CRYL1: variants seen among roughly 807,000 people sequenced by gnomAD.
CRYL1 encodes the protein lambda-crystallin homolog.
Under a neutral mutation model 36.6 loss-of-function variants are expected in CRYL1, and 29 were observed. The observed-to-expected ratio is 0.79, with a 90% confidence interval of 0.59 to 1.08. CRYL1 has a LOEUF of 1.08. Ranked by LOEUF, CRYL1 falls within the 50% of genes least tolerant of loss-of-function variation. CRYL1 has a pLI of 0.00. For missense variants in CRYL1, 411 were observed against 407.9 expected (o/e 1.01, Z -0.06); for synonymous variants, 152 against 151.5 (o/e 1.00, Z -0.02).
At position 20,498,524 on chromosome 13, in the gene CRYL1, T is replaced by C. The variant is rs557547040; in HGVS notation, c.150-9028A>G. Among the ~76,000 whole-genome samples, 8 of 152,316 alleles carry C rather than the reference T, an allele frequency of 5.3e-5. No homozygotes were observed. The South Asian group carries it at 1.4e-3, about 28-fold the overall frequency. On this transcript the variant is annotated intron_variant, in intron 2 of 7. Coordinates refer to ENST00000298248, the MANE Select transcript of CRYL1 (RefSeq NM_015974.3). ...TGGAGCATTGATCTGCTCTTTAATATAAAATTATAAAAGGTTATAAAGTTT... is the reference window on the plus strand; with the variant it reads ...TGGAGCATTGATCTGCTCTTTAATACAAAATTATAAAAGGTTATAAAGTTT...
intron 3 of CRYL1, among the ~76,000 whole-genome samples, chr13:20,463,776 T>G (rs2032878272): frequency 6.6e-6 from 1 of 152,184 alleles, no homozygotes; most frequent in Non-Finnish European, 1.5e-5. Context: ...AAATGAAAAC[T>G]CAATACATTT....
intron 3 of CRYL1, among the ~76,000 whole-genome samples, chr13:20,480,011 C>T (rs760544247): frequency 1.8e-4 from 27 of 152,216 alleles, no homozygotes; most frequent in African/African-American, 2.7e-4. Context: ...CACTCCCTAA[C>T]ACCTAAGTCA....
chr13:20,515,959 A>G (rs539826768), intron 1 of CRYL1: 2 of 152,460 alleles, frequency 1.3e-5, no homozygotes, highest in Admixed American at 1.3e-4. Context: ...TTGGAGGCTG[A>G]GGCAGGTGGA....
intron 3 of CRYL1, among the ~76,000 whole-genome samples, chr13:20,482,133 C>T (rs1258925025): frequency 1.3e-5 from 2 of 151,464 alleles, no homozygotes; most frequent in East Asian, 3.9e-4. Context: ...TCCAAAAGAA[C>T]GCTACTTCCT....
intron 1 of CRYL1, among the ~76,000 whole-genome samples, chr13:20,517,938 GA>G (rs67225103): frequency 1.7e-4 from 20 of 116,008 alleles, no homozygotes; most frequent in African/African-American, 6.3e-4. Flanking sequence ...TCTGTCTCAA[GA>G]AAAAAAAAAA....
intron 2 of CRYL1, among the ~76,000 whole-genome samples, chr13:20,502,705 G>C (rs891281847): frequency 5.3e-5 from 8 of 152,202 alleles, no homozygotes; most frequent in African/African-American, 1.7e-4. Context: ...GGTAACACTG[G>C]GATCTGGGTA....
At chr13:20,419,058 A>G (rs1025508828) in intron 5 of CRYL1, 2 of 152,222 alleles carry the variant, frequency 1.3e-5, no homozygotes, top group African/African-American at 4.8e-5. Context: ...AGAAGAAAGG[A>G]TTACACCAGC....
chr13:20,484,758 CAGG>C (rs752853751), intron 3 of CRYL1, among the ~76,000 whole-genome samples: 2 of 152,226 alleles, frequency 1.3e-5, no homozygotes, highest in Non-Finnish European at 2.9e-5. Flanking sequence ...AGAAAATAAA[CAGG>C]AGAAGTGGAA....
chr13:20,456,500 A>G (rs2137424888), intron 3 of CRYL1, among the ~76,000 whole-genome samples: 1 of 151,340 alleles, frequency 6.6e-6, no homozygotes, highest in Admixed American at 6.6e-5. Flanking sequence ...AAAAAAAGAA[A>G]AGAAAAGAAG....
chr13:20,494,029 G>A (rs532754751), intron 2 of CRYL1, among the ~76,000 whole-genome samples: 3 of 152,350 alleles, frequency 2.0e-5, no homozygotes, highest in East Asian at 3.9e-4. Context: ...AAAGGGCCTA[G>A]CGCAGACTTT....
intron 3 of CRYL1, among the ~76,000 whole-genome samples, chr13:20,480,104 C>G (rs1416628489): frequency 5.3e-5 from 8 of 152,172 alleles, no homozygotes; most frequent in Admixed American, 5.2e-4. Flanking sequence ...AAAAAATGCA[C>G]GGCCAGGCAT....
At position 20,524,292 on chromosome 13, in the gene CRYL1, TGA is replaced by T. The variant is rs549032976; in HGVS notation, c.41+1460_41+1461del. ...AAAACTGTGTGTGTATATATATGTG[TGA>T]GTGTATATATATACACACACACATA... On this transcript the variant is annotated intron_variant, in intron 1 of 7. Coordinates refer to ENST00000298248, the MANE Select transcript of CRYL1 (RefSeq NM_015974.3). Among the ~76,000 whole-genome samples, 689 of 152,284 alleles carry T rather than the reference TGA, an allele frequency of 4.5e-3. 11 individuals are homozygous for T. Among genetic ancestry groups the T allele is most frequent in the African/African-American group, 0.015 (626 of 41,568 alleles).
At chr13:20,420,701 T>TTTTTTTTTTTTTTTTTTGTG in intron 5 of CRYL1, among the ~76,000 whole-genome samples, 5 of 21,874 alleles carry the variant, frequency 2.3e-4, no homozygotes, top group Non-Finnish European at 4.1e-4. Context: ...AAAATAGAGG[T>TTTTTTTTTTTTTTTTTTGTG]TGTGTGTGTG....
At chr13:20,423,396 G>C (rs2031862583) in intron 5 of CRYL1, among the ~76,000 whole-genome samples, 1 of 152,174 alleles carries the variant, frequency 6.6e-6, no homozygotes, top group Non-Finnish European at 1.5e-5. Context: ...ATTTGCTGTG[G>C]GTGTGTCACG....
At chr13:20,514,676 G>A (rs145264412) in intron 1 of CRYL1, among the ~76,000 whole-genome samples, 2,916 of 152,014 alleles carry the variant, frequency 0.019, 90 homozygotes, top group African/African-American at 0.067. Context: ...ATTAATAAAC[G>A]ATGTTAACAA....
chr13:20,525,811 C>T lies in CRYL1; in HGVS notation c.-17G>A. 5 of 1,232,570 alleles carry T rather than the reference C, an allele frequency of 4.1e-6. No individual in the cohort carries two copies. The highest frequency in any genetic ancestry group is 4.1e-6 in the Non-Finnish European group (4 of 986,994). The allele number at this position is 1,232,570 out of a possible 1,614,324, so 76.4% of individuals were successfully genotyped here. A position where few individuals can be genotyped will look rare whatever the true frequency, so the allele number is the denominator to read the frequency against. On this transcript the variant is annotated 5_prime_UTR_variant, in exon 1 of 8. Coordinates refer to ENST00000298248, the MANE Select transcript of CRYL1 (RefSeq NM_015974.3). The surrounding 1 kb of genome is among the most constrained non-coding windows in gnomAD (Gnocchi z 4.3). ...GGACGCCATGGTTGGGCCGGGGACGCGGCGCCGCGGGCGCTGGGACCAGGC... is the reference window on the plus strand; with the variant it reads ...GGACGCCATGGTTGGGCCGGGGACGTGGCGCCGCGGGCGCTGGGACCAGGC...
intron 3 of CRYL1, among the ~76,000 whole-genome samples, chr13:20,447,455 G>C (rs1400867535): frequency 6.6e-6 from 1 of 152,036 alleles, no homozygotes. Context: ...GCACTGAGTA[G>C]GTCCGACCCC....
At chr13:20,482,773 G>A (rs1455874783) in intron 3 of CRYL1, among the ~76,000 whole-genome samples, 3 of 152,096 alleles carry the variant, frequency 2.0e-5, no homozygotes, top group Admixed American at 6.5e-5. Flanking sequence ...GTGTGTGTGC[G>A]CACGCACACA....
chr13:20,420,701 T>TTTTTTTTTTTGTG lies in CRYL1; in HGVS notation c.634-7315_634-7314insCACAAAAAAAAAA. 3.7e-4 allele frequency among the ~76,000 whole-genome samples: 8 copies of TTTTTTTTTTTGTG among 21,840 alleles called. 1 individual carries two copies. Among genetic ancestry groups the TTTTTTTTTTTGTG allele is most frequent in the South Asian group, 3.2e-3 (1 of 310 alleles). The allele number at this position is 21,840 out of a possible 152,430, so 14.3% of individuals were successfully genotyped here. ...CTTTGACTTTTCTTTAAAATAGAGG[T>TTTTTTTTTTTGTG]TGTGTGTGTGTGTGTGTGTGTGTGT... is the stretch of plus-strand genomic sequence containing the variant. On this transcript the variant is annotated intron_variant, in intron 5 of 7. Transcript: ENST00000298248.
Sources: gnomAD v4.1 joint callset for allele counts (sites outside exome capture counted in the v4.1 genomes callset) on GRCh38, gnomAD v4.1.1 for gene constraint, Gnocchi (gnomAD v3.1) non-coding constraint, MANE v1.5 for transcripts, NCBI Gene and HGNC (gene_info 2026-07-23, HGNC 2026-07-21) for gene names.